MACC1: variants seen among roughly 807,000 people sequenced by gnomAD.
MACC1 encodes the protein metastasis-associated in colon cancer protein 1.
Under a neutral mutation model 70.7 loss-of-function variants are expected in MACC1, and 79 were observed. The ratio of observed to expected loss-of-function variants is 1.12; its 90% CI spans 0.93 to 1.35. The LOEUF is 1.35. MACC1 is among the 40% of genes most tolerant of loss of function. MACC1 has a pLI of 0.00. For missense variants in MACC1, 1,106 were observed against 978.1 expected (o/e 1.13, Z -1.74); for synonymous variants, 361 against 347.2 (o/e 1.04, Z -0.44).
chr7:20,149,429 T>G lies in MACC1; in HGVS notation c.2346+4764A>C, dbSNP rs139510917. 7.1e-3 allele frequency among the ~76,000 whole-genome samples: 1,087 copies of G among 152,354 alleles called. 26 individuals are homozygous for G. Among genetic ancestry groups the G allele is most frequent in the Admixed American group, 0.038 (577 of 15,300 alleles). ...AACATTGTCCCAAATATTACACATT[T>G]ATTATCTCATTTGATCTTCTAAACA... On this transcript the variant is annotated intron_variant, in intron 6 of 6. Coordinates refer to ENST00000400331, the MANE Select transcript of MACC1 (RefSeq NM_182762.4).
Position 20,139,007 on chromosome 7 carries a change from G to A in MACC1, c.*1939C>T, listed in dbSNP as rs1034616481. 1.3e-5 allele frequency: 2 copies of A among 152,104 alleles called. No homozygotes were observed. The highest frequency in any genetic ancestry group is 4.1e-4 in the South Asian group (2 of 4,828). The allele number at this position is 152,104 out of a possible 1,614,324, so 9.4% of individuals were successfully genotyped here. On this transcript the variant is annotated 3_prime_UTR_variant, in exon 7 of 7. Coordinates refer to ENST00000400331, the MANE Select transcript of MACC1 (RefSeq NM_182762.4). ...TTAAACGCCAATTTGAATTACCATT[G>A]CCAGCATACCAAATATCCCAGGGTG...
intron 1 of MACC1, among the ~76,000 whole-genome samples, chr7:20,179,981 T>C (rs921286200): frequency 3.3e-5 from 5 of 152,194 alleles, no homozygotes; most frequent in Admixed American, 6.5e-5. Context: ...TATTTTACTA[T>C]GAGCTGTTTA....
In MACC1 at chr7:20,159,136, C is replaced by T. The variant is rs1562585680; in HGVS notation, c.1225G>A (p.Gly409Arg). ...QLTISDIKKGGKNISPVVFQL... is the reference protein window; with the variant it reads ...QLTISDIKKGRKNISPVVFQL... ...AACACAACTGGAGATATGTTTTTTC[C>T]ACCCTTCTTAATATCAGAAATTGTA... The change falls in exon 5 of 7, where the codon GGA (glycine) becomes AGA (arginine). Residue 409 changes from glycine to arginine, a missense_variant. Transcript: ENST00000400331. 6.2e-7 allele frequency: 1 copy of T among 1,613,622 alleles called. No individual in the cohort carries two copies.
chr7:20,183,504 G>A (rs1005293396), intron 1 of MACC1, among the ~76,000 whole-genome samples: 1 of 152,148 alleles, frequency 6.6e-6, no homozygotes, highest in Admixed American at 6.5e-5. Flanking sequence ...GCAAAACTGT[G>A]AACTAATGGA....
chr7:20,175,209 C>T (rs991528725), intron 1 of MACC1, among the ~76,000 whole-genome samples: 3 of 151,862 alleles, frequency 2.0e-5, no homozygotes, highest in African/African-American at 7.3e-5. Context: ...CTCTTTAACC[C>T]GGCAATATTT....
At chr7:20,146,148 GAAAAAAA>G (rs377648424) in intron 6 of MACC1, among the ~76,000 whole-genome samples, 1 of 86,310 alleles carries the variant, frequency 1.2e-5, no homozygotes, top group African/African-American at 3.6e-5. Flanking sequence ...ATCTCAAAAA[GAAAAAAA>G]AAAAAAAAAA....
chr7:20,164,556 A>T (rs184348246), intron 2 of MACC1, among the ~76,000 whole-genome samples, 157 bp from the exon 3 acceptor site: 1 of 152,204 alleles, frequency 6.6e-6, no homozygotes, highest in African/African-American at 2.4e-5. Flanking sequence ...AAAAAATCCA[A>T]TGTTGCAATA....
chr7:20,149,935 T>C (rs1209486563), intron 6 of MACC1, among the ~76,000 whole-genome samples: 1 of 152,210 alleles, frequency 6.6e-6, no homozygotes, highest in Non-Finnish European at 1.5e-5. Flanking sequence ...TACTTGCCCT[T>C]AATAGCCATG....
chr7:20,154,440 A>G (rs1782027000), intron 5 of MACC1, 59 bp from the exon 6 acceptor site: 3 of 1,505,134 alleles, frequency 2.0e-6, no homozygotes, highest in South Asian at 1.3e-5. Flanking sequence ...TTCTCTCTAT[A>G]AATTGGAATT....
At chr7:20,149,663 C>T (rs1217638875) in intron 6 of MACC1, among the ~76,000 whole-genome samples, 1 of 152,022 alleles carries the variant, frequency 6.6e-6, no homozygotes, top group Non-Finnish European at 1.5e-5. Flanking sequence ...CCACATCACC[C>T]AGTAATTAGT....
At chr7:20,142,755 G>A (rs539617435) in intron 6 of MACC1, among the ~76,000 whole-genome samples, 2 of 152,274 alleles carry the variant, frequency 1.3e-5, no homozygotes, top group African/African-American at 4.8e-5. Context: ...AGATTATTCT[G>A]TAGTGGGTAT....
At position 20,182,941 on chromosome 7, in the gene MACC1, T is replaced by C. The variant is rs538761102; in HGVS notation, c.-217-12163A>G. The stretch of plus-strand genomic sequence containing the variant: ...AATTCTTATTCTGTAAAGATCTCAA[T>C]TTTTCAAATTAAACATTTAAATAGA... On this transcript the variant is annotated intron_variant, in intron 1 of 6. Transcript: ENST00000400331. Among the ~76,000 whole-genome samples, 5 of 152,344 alleles carry C rather than the reference T, an allele frequency of 3.3e-5. No homozygotes were observed. In the South Asian group the frequency reaches 1.0e-3, roughly 32 times the overall value.
chr7:20,183,112 G>A (rs1782534986), intron 1 of MACC1, among the ~76,000 whole-genome samples: 1 of 152,154 alleles, frequency 6.6e-6, no homozygotes, highest in Admixed American at 6.5e-5. Context: ...ACATTGTATG[G>A]CAAAAGGGAA....
chr7:20,152,646 T>A (rs1781997781), intron 6 of MACC1, among the ~76,000 whole-genome samples: 2 of 152,192 alleles, frequency 1.3e-5, no homozygotes, highest in Admixed American at 6.6e-5. Context: ...TGAGTGTTTA[T>A]CAGCCTCAGG....
chr7:20,175,721 C>T (rs1234596466), intron 1 of MACC1, among the ~76,000 whole-genome samples: 1 of 152,088 alleles, frequency 6.6e-6, no homozygotes, highest in Non-Finnish European at 1.5e-5. Context: ...GCAGGCTTTT[C>T]TTCTATTTCT....
chr7:20,212,974 A>C (rs1783020690), intron 1 of MACC1, among the ~76,000 whole-genome samples: 1 of 152,206 alleles, frequency 6.6e-6, no homozygotes, highest in South Asian at 2.1e-4. Context: ...ACTGGCTTAA[A>C]GAAGCTGTAT....
chr7:20,192,662 C>T (rs1017737631), intron 1 of MACC1, among the ~76,000 whole-genome samples: 4 of 152,186 alleles, frequency 2.6e-5, no homozygotes, highest in African/African-American at 9.7e-5. Context: ...ATAATACAAC[C>T]ATTGTTTTGA....
intron 2 of MACC1, among the ~76,000 whole-genome samples, chr7:20,166,696 T>C (rs914842311): frequency 6.6e-6 from 1 of 152,216 alleles, no homozygotes; most frequent in African/African-American, 2.4e-5. Flanking sequence ...TAAGCGGTAT[T>C]AGAAATCCAT....
chr7:20,168,648 AC>A (rs1238639163), intron 2 of MACC1, among the ~76,000 whole-genome samples: 1 of 152,150 alleles, frequency 6.6e-6, no homozygotes, highest in Non-Finnish European at 1.5e-5. Context: ...ATGTCATCTC[AC>A]CCAAAGGCAA....
Sources: gnomAD v4.1 joint callset for allele counts (sites outside exome capture counted in the v4.1 genomes callset) on GRCh38, gnomAD v4.1.1 for gene constraint, MANE v1.5 for transcripts, NCBI Gene and HGNC (gene_info 2026-07-23, HGNC 2026-07-21) for gene names.